MARCHF4: variants seen among roughly 807,000 people sequenced by gnomAD.
The protein encoded by MARCHF4 is E3 ubiquitin-protein ligase MARCHF4.
Under a neutral mutation model 43.9 loss-of-function variants are expected in MARCHF4, and 14 were observed. The observed-to-expected ratio is 0.32, with a 90% CI of 0.21 to 0.50. MARCHF4 has a LOEUF of 0.50. Among genes scored for constraint, MARCHF4 ranks in the 20% least tolerant of loss-of-function variants. The pLI, the probability that MARCHF4 is intolerant of heterozygous loss-of-function variation, is 0.98. For missense variants in MARCHF4, 468 were observed against 536.7 expected (o/e 0.87, Z 1.27); for synonymous variants, 226 against 213.3 (o/e 1.06, Z -0.52).
At chr2:216,331,437 A>G (rs1692080014) in intron 1 of MARCHF4, among the ~76,000 whole-genome samples, 2 of 152,168 alleles carry the variant, frequency 1.3e-5, no homozygotes, top group African/African-American at 4.8e-5. Context: ...GAAATAAATA[A>G]TATCAATACT....
chr2:216,327,784 G>C (rs374299182), intron 1 of MARCHF4, among the ~76,000 whole-genome samples: 17 of 152,310 alleles, frequency 1.1e-4, no homozygotes, highest in East Asian at 5.8e-4. Flanking sequence ...TGACCCAACT[G>C]AGATTGTGCC....
At chr2:216,354,041 G>A (rs1295344052) in intron 1 of MARCHF4, among the ~76,000 whole-genome samples, 5 of 152,198 alleles carry the variant, frequency 3.3e-5, no homozygotes, top group Non-Finnish European at 7.3e-5. Context: ...TGGAGTTACT[G>A]TTCCCAGGCA....
intron 1 of MARCHF4, among the ~76,000 whole-genome samples, chr2:216,292,753 A>G (rs958330347): frequency 6.6e-6 from 1 of 152,174 alleles, no homozygotes; most frequent in Admixed American, 6.5e-5. Flanking sequence ...GGGAGGAGAC[A>G]AAAGAGGATC....
At chr2:216,342,940 G>A (rs538922120) in intron 1 of MARCHF4, among the ~76,000 whole-genome samples, 19 of 152,116 alleles carry the variant, frequency 1.2e-4, no homozygotes, top group Non-Finnish European at 2.5e-4. Flanking sequence ...AGCAAGGTGG[G>A]GCTGTGGGGA....
Position 216,335,873 on chromosome 2 carries a change from G to A in MARCHF4, c.516+33872C>T, listed in dbSNP as rs559401890. On this transcript the variant is annotated intron_variant, in intron 1 of 3. Coordinates refer to ENST00000273067, the MANE Select transcript of MARCHF4 (RefSeq NM_020814.3). ...ACTTGAGGTCAGGAGTTCAAGACCA[G>A]CCTGGCCAACATGTTGAAACCCCAT... Among the ~76,000 whole-genome samples the A allele has an allele frequency of 1.6e-4, 24 of 152,132 alleles. No individual in the cohort carries two copies. The South Asian group carries it at 5.0e-3, about 32-fold the overall frequency.
intron 1 of MARCHF4, among the ~76,000 whole-genome samples, chr2:216,328,064 C>A (rs965704853): frequency 6.6e-6 from 1 of 152,036 alleles, no homozygotes; most frequent in Non-Finnish European, 1.5e-5. Context: ...AGCTTATAAT[C>A]CCTGTTGTAG....
rs185438127 is a variant in MARCHF4 at position 216,357,521 on chromosome 2, A to G, written c.516+12224T>C. Among the ~76,000 whole-genome samples the G allele has an allele frequency of 2.2e-4, 33 of 152,310 alleles. No homozygotes were observed. The East Asian group carries it at 6.4e-3, about 29-fold the overall frequency. ...TTTTTTGTAGAAACAAAGTTTCACT[A>G]TACTGCCTAGTCTGGTCACAAACTC... On this transcript the variant is annotated intron_variant, in intron 1 of 3. Coordinates refer to ENST00000273067, the MANE Select transcript of MARCHF4 (RefSeq NM_020814.3).
At chr2:216,299,358 C>T (rs941674040) in intron 1 of MARCHF4, among the ~76,000 whole-genome samples, 1 of 152,236 alleles carries the variant, frequency 6.6e-6, no homozygotes, top group Non-Finnish European at 1.5e-5. Flanking sequence ...TCTCATCAAG[C>T]GTCTCAGCAT....
At chr2:216,268,734 G>A (rs1468869483) in intron 3 of MARCHF4, among the ~76,000 whole-genome samples, 1 of 152,176 alleles carries the variant, frequency 6.6e-6, no homozygotes, top group African/African-American at 2.4e-5. Flanking sequence ...TTCTCGTACT[G>A]CACTAGGCTG....
chr2:216,311,319 A>G (rs1327192045), intron 1 of MARCHF4, among the ~76,000 whole-genome samples: 1 of 151,982 alleles, frequency 6.6e-6, no homozygotes, highest in Non-Finnish European at 1.5e-5. Context: ...GTGTAGTGGC[A>G]CCATCTCAGC....
intron 1 of MARCHF4, among the ~76,000 whole-genome samples, chr2:216,337,296 G>A (rs967819122): frequency 8.5e-5 from 13 of 152,302 alleles, no homozygotes; most frequent in Non-Finnish European, 1.8e-4. Flanking sequence ...TGGTTAAATG[G>A]ATCAGCGGAC....
At chr2:216,369,554 C>T (rs1174649791) in intron 1 of MARCHF4, among the ~76,000 whole-genome samples, 191 bp downstream of exon 1, 3 of 152,166 alleles carry the variant, frequency 2.0e-5, no homozygotes, top group Non-Finnish European at 4.4e-5. Flanking sequence ...AAACGAACCA[C>T]CAAACAGGCT....
chr2:216,300,195 G>T (rs980833851), intron 1 of MARCHF4, among the ~76,000 whole-genome samples: 4 of 151,766 alleles, frequency 2.6e-5, no homozygotes, highest in Non-Finnish European at 5.9e-5. Context: ...GAATTTTTTT[G>T]GGATTCTTTG....
intron 3 of MARCHF4, among the ~76,000 whole-genome samples, chr2:216,269,064 G>T (rs1476412396): frequency 1.3e-5 from 2 of 152,074 alleles, no homozygotes; most frequent in African/African-American, 4.8e-5. Context: ...TAATTTTGCT[G>T]ATTACCATAT....
chr2:216,292,854 A>G (rs1183990043), intron 1 of MARCHF4, among the ~76,000 whole-genome samples: 1 of 152,144 alleles, frequency 6.6e-6, no homozygotes, highest in Non-Finnish European at 1.5e-5. Context: ...TAATTTCTTC[A>G]CTCTACAGAC....
chr2:216,356,882 G>A (rs919931719), intron 1 of MARCHF4, among the ~76,000 whole-genome samples: 1 of 152,050 alleles, frequency 6.6e-6, no homozygotes, highest in South Asian at 2.1e-4. Flanking sequence ...AATTAGCTGG[G>A]CGTGGTGGCA....
At chr2:216,299,997 G>A (rs915286027) in intron 1 of MARCHF4, among the ~76,000 whole-genome samples, 2 of 152,148 alleles carry the variant, frequency 1.3e-5, no homozygotes, top group Admixed American at 1.3e-4. Context: ...CTAATGTCCC[G>A]CTGACCAAAG....
intron 1 of MARCHF4, among the ~76,000 whole-genome samples, chr2:216,305,950 T>C (rs1290593816): frequency 6.6e-6 from 1 of 152,172 alleles, no homozygotes; most frequent in East Asian, 1.9e-4. Flanking sequence ...CACCAGGACA[T>C]CCCAACACAT....
At chr2:216,334,857 G>A (rs560362673) in intron 1 of MARCHF4, among the ~76,000 whole-genome samples, 21 of 152,326 alleles carry the variant, frequency 1.4e-4, no homozygotes, top group African/African-American at 4.1e-4. Flanking sequence ...CAAATAGCCC[G>A]TTAATGGAAT....
Sources: gnomAD v4.1 joint callset for allele counts (sites outside exome capture counted in the v4.1 genomes callset) on GRCh38, gnomAD v4.1.1 for gene constraint, MANE v1.5 for transcripts, NCBI Gene and HGNC (gene_info 2026-07-23, HGNC 2026-07-21) for gene names.